ADAMTS3: variants seen among roughly 807,000 people sequenced by gnomAD.
ADAMTS3 encodes ADAM metallopeptidase with thrombospondin type 1 motif 3, also known as A disintegrin and metalloproteinase with thrombospondin motifs 3.
A neutral mutation model predicts 129.0 loss-of-function variants in ADAMTS3; 73 were observed. That is an observed-to-expected ratio of 0.57 (90% CI 0.47 to 0.69). The LOEUF (loss-of-function observed/expected upper bound fraction) is 0.69. ADAMTS3 is among the 30% of genes least tolerant of loss of function. The pLI, the probability that ADAMTS3 is intolerant of heterozygous loss-of-function variation, is 0.00. For missense variants in ADAMTS3, 1,457 were observed against 1,514.5 expected (o/e 0.96, Z 0.63); for synonymous variants, 477 against 510.8 (o/e 0.93, Z 0.89).
At chr4:72,371,380 A>G (rs1450526110) in intron 4 of ADAMTS3, among the ~76,000 whole-genome samples, 1 of 151,834 alleles carries the variant, frequency 6.6e-6, no homozygotes, top group African/African-American at 2.4e-5. Context: ...CATCTTAAAT[A>G]CTAAAATGCA....
At chr4:72,337,003 T>A (rs1359865635) in intron 5 of ADAMTS3, among the ~76,000 whole-genome samples, 1 of 152,178 alleles carries the variant, frequency 6.6e-6, no homozygotes, top group African/African-American at 2.4e-5. Context: ...TATATGCAAT[T>A]GTATGTGCAA....
At chr4:72,521,650 TTTA>T (rs1720674848) in intron 3 of ADAMTS3, among the ~76,000 whole-genome samples, 1 of 152,184 alleles carries the variant, frequency 6.6e-6, no homozygotes, top group African/African-American at 2.4e-5. Flanking sequence ...AAAGTGACTA[TTTA>T]TTATATTATA....
chr4:72,565,267 A>T (rs1721994437), intron 2 of ADAMTS3, among the ~76,000 whole-genome samples: 1 of 152,248 alleles, frequency 6.6e-6, no homozygotes, highest in Admixed American at 6.5e-5. Flanking sequence ...AAAATAAATA[A>T]ATAAAATCTA....
intron 3 of ADAMTS3, among the ~76,000 whole-genome samples, chr4:72,543,148 G>A (rs1285095753): frequency 2.0e-5 from 3 of 152,120 alleles, no homozygotes. Context: ...AAATAAACTT[G>A]TACTAACTTA....
intron 17 of ADAMTS3, among the ~76,000 whole-genome samples, chr4:72,302,955 G>C (rs1323854075): frequency 6.6e-6 from 1 of 152,126 alleles, no homozygotes; most frequent in African/African-American, 2.4e-5. Flanking sequence ...GCCCTCTGAT[G>C]CCAAACACAA....
intron 3 of ADAMTS3, among the ~76,000 whole-genome samples, chr4:72,419,262 C>G (rs1485919969): frequency 6.6e-6 from 1 of 152,132 alleles, no homozygotes; most frequent in Non-Finnish European, 1.5e-5. Context: ...GAACTGTTAG[C>G]TACTAAGGCA....
intron 3 of ADAMTS3, among the ~76,000 whole-genome samples, chr4:72,481,764 T>G (rs1010031469): frequency 3.9e-5 from 6 of 152,062 alleles, no homozygotes; most frequent in Non-Finnish European, 8.8e-5. Context: ...TAGAAAATAT[T>G]TGCAAATGAC....
At chr4:72,396,716 G>A (rs988590716) in intron 4 of ADAMTS3, among the ~76,000 whole-genome samples, 4 of 152,112 alleles carry the variant, frequency 2.6e-5, no homozygotes, top group African/African-American at 9.7e-5. Flanking sequence ...TAACTATGAT[G>A]TAATGACTTA....
chr4:72,313,811 C>T lies in ADAMTS3; in HGVS notation c.1611G>A (p.Lys537=). ...TAGCATTCTTCCACATGCAATGACC[C>T]TTATAGCACCACTTAGAAAAATGAC... ...TECAAGKWCY[K]GHCMWKNANQ... Residue 537 remains lysine (K), a synonymous_variant, in exon 12 of 22, where the codon AAG becomes AAA. Coordinates refer to ENST00000286657, the MANE Select transcript of ADAMTS3 (RefSeq NM_014243.3). 2 of 1,613,626 alleles carry T rather than the reference C, an allele frequency of 1.2e-6. No homozygotes were observed. The highest frequency in any genetic ancestry group is 1.7e-6 in the Non-Finnish European group (2 of 1,179,736).
rs549770979 is a variant in ADAMTS3 at position 72,317,664 on chromosome 4, A to C, written c.1485+908T>G. On this transcript the variant is annotated intron_variant, in intron 10 of 21. Coordinates refer to ENST00000286657, the MANE Select transcript of ADAMTS3 (RefSeq NM_014243.3). ...ACACCAATCTTATCAGATACATACTATCATTATCCACATATTACACATGAG... is the reference window on the plus strand; with the variant it reads ...ACACCAATCTTATCAGATACATACTCTCATTATCCACATATTACACATGAG... 7.4e-4 allele frequency among the ~76,000 whole-genome samples: 113 copies of C among 152,226 alleles called. 1 individual carries two copies. In the Middle Eastern group the frequency reaches 0.01, roughly 14 times the overall value.
chr4:72,438,094 T>A (rs1718012617), intron 3 of ADAMTS3, among the ~76,000 whole-genome samples: 1 of 151,722 alleles, frequency 6.6e-6, no homozygotes, highest in Non-Finnish European at 1.5e-5. Flanking sequence ...CCATCTTTAC[T>A]CTGTGTGTGC....
intron 3 of ADAMTS3, among the ~76,000 whole-genome samples, chr4:72,450,161 G>A (rs932747484): frequency 6.6e-6 from 1 of 151,586 alleles, no homozygotes; most frequent in Admixed American, 6.6e-5. Flanking sequence ...ATTCCCTCCA[G>A]GCCTGTCTCA....
chr4:72,497,012 G>A (rs1719889251), intron 3 of ADAMTS3, among the ~76,000 whole-genome samples: 1 of 151,876 alleles, frequency 6.6e-6, no homozygotes, highest in Non-Finnish European at 1.5e-5. Flanking sequence ...TCTTCCAGGT[G>A]TCATTCCAGG....
At chr4:72,436,646 C>T (rs921688267) in intron 3 of ADAMTS3, among the ~76,000 whole-genome samples, 3 of 152,072 alleles carry the variant, frequency 2.0e-5, no homozygotes, top group Non-Finnish European at 4.4e-5. Flanking sequence ...GAAAATGTGG[C>T]ACACATACAC....
At chr4:72,515,840 G>A (rs374791070) in intron 3 of ADAMTS3, among the ~76,000 whole-genome samples, 3 of 152,032 alleles carry the variant, frequency 2.0e-5, no homozygotes, top group African/African-American at 4.8e-5. Context: ...CTTTAGTTTA[G>A]TTAGATCCCA....
chr4:72,317,052 G>A (rs927098384), intron 10 of ADAMTS3, among the ~76,000 whole-genome samples: 44 of 151,948 alleles, frequency 2.9e-4, no homozygotes, highest in African/African-American at 1.0e-3. Flanking sequence ...CTCTTTGCTT[G>A]TTTGCTCTTT....
At chr4:72,530,600 T>G (rs1186801042) in intron 3 of ADAMTS3, among the ~76,000 whole-genome samples, 10 of 86,846 alleles carry the variant, frequency 1.2e-4, no homozygotes, top group South Asian at 7.2e-4. Flanking sequence ...ATATTAATAT[T>G]AAAATATATA....
intron 3 of ADAMTS3, among the ~76,000 whole-genome samples, chr4:72,529,840 ATATAT>A (rs1184837396): frequency 7.1e-5 from 6 of 84,718 alleles, no homozygotes; most frequent in South Asian, 3.0e-4. Context: ...ATAACATATA[ATATAT>A]TATATTAATA....
intron 3 of ADAMTS3, among the ~76,000 whole-genome samples, chr4:72,469,664 G>C (rs1451504442): frequency 6.6e-6 from 1 of 151,938 alleles, no homozygotes; most frequent in Non-Finnish European, 1.5e-5. Flanking sequence ...TTTATACATG[G>C]ATCTTCTGCC....
Sources: gnomAD v4.1 joint callset for allele counts (sites outside exome capture counted in the v4.1 genomes callset) on GRCh38, gnomAD v4.1.1 for gene constraint, MANE v1.5 for transcripts, NCBI Gene and HGNC (gene_info 2026-07-23, HGNC 2026-07-21) for gene names.